The following RASEF variants were observed in gnomAD, a reference collection of about 807,000 sequenced individuals.
The protein encoded by RASEF is ras and EF-hand domain-containing protein.
A neutral mutation model predicts 90.1 loss-of-function variants in RASEF; 68 were observed. The observed-to-expected ratio is 0.75, with a 90% CI of 0.62 to 0.92. RASEF has a LOEUF of 0.92. RASEF is among the 40% of genes least tolerant of loss of function. The pLI, the probability that RASEF is intolerant of heterozygous loss-of-function variation, is 0.00. For synonymous variants in RASEF, 331 were observed against 345.2 expected, an observed-to-expected ratio of 0.96 and a Z score of 0.46; for missense variants, 949 against 937.2, an observed-to-expected ratio of 1.01 and a Z score of -0.16.
intron 1 of RASEF, among the ~76,000 whole-genome samples, chr9:83,033,387 C>G (rs371700991): frequency 1.9e-4 from 29 of 152,236 alleles, no homozygotes; most frequent in African/African-American, 7.0e-4. Context: ...GTGAACATGA[C>G]CAGTCCTTGG....
chr9:83,062,919 G>T lies in RASEF; in HGVS notation c.-52C>A. ...GCTCCGGAGCGCCGCGGGGCGCAGG[G>T]CCCTCCCTGGAAGGACGGGGCCACC... On this transcript the variant is annotated 5_prime_UTR_variant, in exon 1 of 17. Transcript: ENST00000376447. 2 of 1,381,708 alleles carry T rather than the reference G, an allele frequency of 1.4e-6. No individual in the cohort carries two copies. The highest frequency in any genetic ancestry group is 1.9e-6 in the Non-Finnish European group (2 of 1,078,426). 85.6% of individuals were successfully genotyped at this position (1,381,708 alleles called of 1,614,324 possible). A position where few individuals can be genotyped will look rare whatever the true frequency, so the allele number is the denominator to read the frequency against.
chr9:83,141,065 C>T, the RASEF span, among the ~76,000 whole-genome samples: 1 of 150,984 alleles, frequency 6.6e-6, no homozygotes, highest in African/African-American at 2.4e-5. Flanking sequence ...ATCGCTTGAA[C>T]CTGGGAGGCG....
At chr9:83,163,882 G>C in the RASEF span, among the ~76,000 whole-genome samples, 1 of 149,586 alleles carries the variant, frequency 6.7e-6, no homozygotes, top group Non-Finnish European at 1.5e-5. Context: ...AGAACACCAA[G>C]AAAATAAATG....
chr9:83,007,257 G>C (rs957499561), intron 7 of RASEF, among the ~76,000 whole-genome samples, 180 bp downstream of exon 7: 1 of 152,072 alleles, frequency 6.6e-6, no homozygotes, highest in Non-Finnish European at 1.5e-5. Flanking sequence ...AATTTATTTA[G>C]GATTATAAGC....
the RASEF span, among the ~76,000 whole-genome samples, chr9:83,133,731 G>A: frequency 3.9e-5 from 6 of 152,024 alleles, no homozygotes; most frequent in African/African-American, 1.4e-4. Context: ...TCAAAATAAT[G>A]CAAACAAAAT....
At chr9:83,103,411 A>G in the RASEF span, among the ~76,000 whole-genome samples, 1 of 152,186 alleles carries the variant, frequency 6.6e-6, no homozygotes, top group Non-Finnish European at 1.5e-5. Context: ...ACAGAGGTGA[A>G]AACTGAAGTG....
the RASEF span, among the ~76,000 whole-genome samples, chr9:83,194,915 T>C: frequency 1.3e-5 from 2 of 152,202 alleles, no homozygotes; most frequent in Non-Finnish European, 2.9e-5. Flanking sequence ...AGGTTATAGG[T>C]CATTTCGCAT....
intron 5 of RASEF, among the ~76,000 whole-genome samples, chr9:83,011,827 A>T (rs1424902560): frequency 6.6e-6 from 1 of 152,138 alleles, no homozygotes; most frequent in African/African-American, 2.4e-5. Flanking sequence ...TCATTTGACC[A>T]TGAAGCTGGG....
chr9:83,161,681 A>C, the RASEF span, among the ~76,000 whole-genome samples: 6 of 96,588 alleles, frequency 6.2e-5, no homozygotes, highest in Admixed American at 4.2e-4. Flanking sequence ...TTGGGAGGGG[A>C]CAGGGGCCAA....
chr9:83,030,699 C>G (rs1829629626), intron 1 of RASEF, among the ~76,000 whole-genome samples: 1 of 152,212 alleles, frequency 6.6e-6, no homozygotes, highest in Non-Finnish European at 1.5e-5. Context: ...ACAGGGAGAT[C>G]TGATTCCCCA....
the RASEF span, among the ~76,000 whole-genome samples, chr9:83,087,673 C>G: frequency 2.0e-5 from 3 of 151,820 alleles, no homozygotes; most frequent in Admixed American, 6.6e-5. Flanking sequence ...CTTGGCCAGT[C>G]TAGATTAAAG....
Position 83,008,925 on chromosome 9 carries a change from T to TC in RASEF, c.959+715_959+716insG, listed in dbSNP as rs1443895115. ...ATATATATATATATATATATATATATATATATATATGACGTGGGCTCTGTG... is the reference window on the plus strand; with the variant it reads ...ATATATATATATATATATATATATATCATATATATATGACGTGGGCTCTGTG... On this transcript the variant is annotated intron_variant, in intron 6 of 16. Transcript: ENST00000376447. Among the ~76,000 whole-genome samples, 13 of 130,656 alleles carry TC rather than the reference T, an allele frequency of 9.9e-5. 1 individual carries two copies. In the South Asian group the frequency reaches 1.2e-3, roughly 13 times the overall value. 85.7% of individuals were successfully genotyped at this position (130,656 alleles called of 152,430 possible).
the RASEF span, among the ~76,000 whole-genome samples, chr9:83,216,671 C>T: frequency 3.9e-5 from 6 of 152,170 alleles, no homozygotes; most frequent in African/African-American, 1.4e-4. Flanking sequence ...GCCACTGAAG[C>T]CCCCACACAG....
rs1829025576 is a variant in RASEF, at chr9:83,000,967, T to C, written c.1366A>G (p.Lys456Glu). ...PNEYDSEVEY[K>E]HQRGFQRSHG... ...GACCTCTGAAATCCCCTCTGGTGCT[T>C]GTATTCCACTTCTGAGTCATACTCA... Residue 456 changes from lysine to glutamate, a missense_variant, in exon 10 of 17, where the codon AAG (lysine) becomes GAG (glutamate). Transcript: ENST00000376447. The C allele has an allele frequency of 5.0e-6, 8 of 1,614,162 alleles. No homozygotes were observed. Among genetic ancestry groups the C allele is most frequent in the Non-Finnish European group, 2.5e-6 (3 of 1,180,030 alleles).
the RASEF span, among the ~76,000 whole-genome samples, chr9:83,194,048 A>G: frequency 6.6e-6 from 1 of 152,188 alleles, no homozygotes; most frequent in African/African-American, 2.4e-5. Flanking sequence ...GAGTTCCTAT[A>G]TACCCCTCCC....
At chr9:83,142,981 A>C in the RASEF span, among the ~76,000 whole-genome samples, 1 of 152,192 alleles carries the variant, frequency 6.6e-6, no homozygotes, top group East Asian at 1.9e-4. Context: ...GAAGTAATTA[A>C]TGGTCTGTTA....
At chr9:83,204,569 A>G in the RASEF span, among the ~76,000 whole-genome samples, 1 of 152,224 alleles carries the variant, frequency 6.6e-6, no homozygotes, top group African/African-American at 2.4e-5. Context: ...TGGACCACTT[A>G]CACTTTCCAA....
At chr9:83,188,805 A>G in the RASEF span, among the ~76,000 whole-genome samples, 1 of 152,128 alleles carries the variant, frequency 6.6e-6, no homozygotes. Context: ...AGATTTTTAA[A>G]CCCCTTGAGT....
At chr9:83,085,582 C>T in the RASEF span, among the ~76,000 whole-genome samples, 1 of 151,186 alleles carries the variant, frequency 6.6e-6, no homozygotes, top group African/African-American at 2.4e-5. Flanking sequence ...TGCAGTGGGC[C>T]CTGATTATGT....
Sources: allele counts gnomAD v4.1 joint callset (sites outside exome capture counted in the v4.1 genomes callset), GRCh38; gene constraint gnomAD v4.1.1; transcripts MANE v1.5; gene names NCBI Gene and HGNC (gene_info 2026-07-23, HGNC 2026-07-21).